ABCA5: variants seen among roughly 807,000 people sequenced by gnomAD.
ABCA5 encodes ATP binding cassette subfamily A member 5.
A neutral mutation model predicts 206.0 loss-of-function variants in ABCA5; 163 were observed. The ratio of observed to expected loss-of-function variants is 0.79; its 90% CI spans 0.70 to 0.90. The LOEUF is 0.90. Among genes scored for constraint, ABCA5 ranks in the 40% least tolerant of loss-of-function variants. ABCA5 has a pLI of 0.00. For missense variants in ABCA5, 1,859 were observed against 1,912.9 expected, an observed-to-expected ratio of 0.97 and a Z score of 0.53; for synonymous variants, 609 against 613.8, an observed-to-expected ratio of 0.99 and a Z score of 0.11.
chr17:69,310,620 G>GA (rs756246804), intron 3 of ABCA5, among the ~76,000 whole-genome samples: 19 of 152,024 alleles, frequency 1.2e-4, no homozygotes, highest in Non-Finnish European at 2.2e-4. Flanking sequence ...AAGATAAGTG[G>GA]AAAAAATACT....
chr17:69,278,049 T>TA (rs1370431485), intron 18 of ABCA5, among the ~76,000 whole-genome samples: 1 of 152,014 alleles, frequency 6.6e-6, no homozygotes, highest in Non-Finnish European at 1.5e-5. Context: ...CCAACAGAGA[T>TA]ATGAATACAG....
intron 9 of ABCA5, among the ~76,000 whole-genome samples, chr17:69,300,826 T>C (rs1462435125): frequency 1.3e-5 from 2 of 152,134 alleles, no homozygotes; most frequent in Non-Finnish European, 2.9e-5. Context: ...GATCACTTCA[T>C]AGTTTTAGAC....
intron 15 of ABCA5, among the ~76,000 whole-genome samples, chr17:69,286,996 G>A (rs2075462794): frequency 6.6e-6 from 1 of 152,160 alleles, no homozygotes; most frequent in Non-Finnish European, 1.5e-5. Context: ...TTGAGAACTT[G>A]GATTTGGGAG....
intron 5 of ABCA5, among the ~76,000 whole-genome samples, chr17:69,307,243 T>C (rs1026260060): frequency 1.3e-5 from 2 of 152,070 alleles, no homozygotes; most frequent in Admixed American, 1.3e-4. Flanking sequence ...ACAATTATCA[T>C]CTTAAGCAGA....
chr17:69,308,408 C>T (rs2075740541), intron 4 of ABCA5, 40 bp from the exon 5 acceptor site: 2 of 1,328,764 alleles, frequency 1.5e-6, no homozygotes, highest in Admixed American at 1.7e-5. Flanking sequence ...TTCTGTACAA[C>T]ATGCAAGTGC....
chr17:69,294,526 A>C, intron 11 of ABCA5, 129 bp downstream of exon 11: 1 of 884,346 alleles, frequency 1.1e-6, no homozygotes, highest in Non-Finnish European at 1.7e-6. Context: ...CATCTCAAAA[A>C]AAATAAAATA....
intron 11 of ABCA5, among the ~76,000 whole-genome samples, chr17:69,293,856 G>A (rs772811072): frequency 5.7e-4 from 58 of 102,282 alleles, no homozygotes; most frequent in African/African-American, 1.6e-3. Flanking sequence ...GTGTGTGTGT[G>A]TGTGTGTGTG....
Position 69,245,486 on chromosome 17 carries a change from T to G in ABCA5, c.*2051A>C, listed in dbSNP as rs2074940187. 1.3e-5 allele frequency: 2 copies of G among 152,004 alleles called. No homozygotes were observed. Among genetic ancestry groups the G allele is most frequent in the South Asian group, 4.1e-4 (2 of 4,832 alleles). The allele number at this position is 152,004 out of a possible 1,614,324, so 9.4% of individuals were successfully genotyped here. A position where few individuals can be genotyped will look rare whatever the true frequency, so the allele number is the denominator to read the frequency against. On this transcript the variant is annotated 3_prime_UTR_variant, in exon 39 of 39. Transcript: ENST00000392676. ...AAATATATTTCACTTTTTGCCTCCT[T>G]TGCTTTCCAGCTCACTTACCCTTGT...
In ABCA5 at chr17:69,301,146, G is replaced by T; in HGVS notation, c.1260C>A (p.Val420=). ...YVLLAVYLDQ[V]IPGEFGLRRS... is the part of the protein sequence containing the mutation. The stretch of plus-strand genomic sequence containing the variant: ...CAAAAACCATCTGCATACCTGGAAT[G>T]ACTTGATCAAGATAGACAGCCAAGA... Residue 420 remains valine (V), a synonymous_variant, in exon 9 of 39, where the codon GTC becomes GTA. Transcript: ENST00000392676. The T allele has an allele frequency of 6.5e-7, 1 of 1,528,568 alleles. No individual in the cohort carries two copies. The highest frequency in any genetic ancestry group is 1.4e-5 in the South Asian group (1 of 73,874). 94.7% of individuals were successfully genotyped at this position (1,528,568 alleles called of 1,614,324 possible).
chr17:69,297,624 A>G (rs1316983401), intron 9 of ABCA5, among the ~76,000 whole-genome samples: 2 of 152,178 alleles, frequency 1.3e-5, no homozygotes, highest in Non-Finnish European at 2.9e-5. Context: ...TCTAGTCCAT[A>G]AATAGTTTCA....
At position 69,255,214 on chromosome 17, in the gene ABCA5, T is replaced by C. The variant is rs551887154; in HGVS notation, c.4068+329A>G. On this transcript the variant is annotated intron_variant, in intron 31 of 38. Transcript: ENST00000392676. ...CAGTGACATGCTTATAATAAAAGACTAGCTGATGGCAGGTCAAAACAAGCT... is the reference window on the plus strand; with the variant it reads ...CAGTGACATGCTTATAATAAAAGACCAGCTGATGGCAGGTCAAAACAAGCT... 2.5e-4 allele frequency among the ~76,000 whole-genome samples: 38 copies of C among 152,248 alleles called. No homozygotes were observed. In the South Asian group the frequency reaches 7.7e-3, roughly 31 times the overall value.
intron 3 of ABCA5, among the ~76,000 whole-genome samples, chr17:69,311,014 C>A (rs1001278655): frequency 3.3e-5 from 5 of 151,964 alleles, no homozygotes; most frequent in African/African-American, 7.3e-5. Flanking sequence ...GGTAGCATGG[C>A]GAAACCCTGT....
chr17:69,275,619 CAT>C (rs1257613952), intron 19 of ABCA5, among the ~76,000 whole-genome samples: 3 of 152,128 alleles, frequency 2.0e-5, no homozygotes, highest in African/African-American at 7.2e-5. Context: ...GAGAACATCT[CAT>C]GTTTTTTATG....
In ABCA5 at chr17:69,326,919, C is replaced by T. The variant is rs893089143; in HGVS notation, c.-16+133G>A. On this transcript the variant is annotated intron_variant, in intron 1 of 38. Coordinates refer to ENST00000392676, the MANE Select transcript of ABCA5 (RefSeq NM_172232.4). The surrounding 1 kb of genome is among the most constrained non-coding windows in gnomAD (Gnocchi z 4.8). Reference sequence around the variant, plus strand: ...CTTCCGAGCCCGCTTCACCCCACACCTCAGACGCCGAACTCCCCTTCTCTC... The same window carrying T: ...CTTCCGAGCCCGCTTCACCCCACACTTCAGACGCCGAACTCCCCTTCTCTC... The T allele has an allele frequency of 2.6e-5, 4 of 152,922 alleles. No individual in the cohort carries two copies. Among genetic ancestry groups the T allele is most frequent in the South Asian group, 2.1e-4 (1 of 4,858 alleles). The allele number at this position is 152,922 out of a possible 1,614,324, so 9.5% of individuals were successfully genotyped here.
intron 10 of ABCA5, among the ~76,000 whole-genome samples, 162 bp from the exon 11 acceptor site, chr17:69,294,875 A>C (rs1468904526): frequency 1.3e-5 from 2 of 152,198 alleles, no homozygotes; most frequent in African/African-American, 4.8e-5. Context: ...AATGTTGATA[A>C]TGAAAATACA....
chr17:69,253,996 AG>A, intron 32 of ABCA5, 127 bp from the exon 33 acceptor site: 1 of 712,276 alleles, frequency 1.4e-6, no homozygotes, highest in South Asian at 2.0e-5. Context: ...TAAGTAGGTA[AG>A]GGCAAAAGTC....
chr17:69,274,145 A>T lies in ABCA5; in HGVS notation c.2595-17T>A. 6.4e-7 allele frequency: 1 copy of T among 1,560,492 alleles called. No homozygotes were observed. Among genetic ancestry groups the T allele is most frequent in the Non-Finnish European group, 8.6e-7 (1 of 1,162,580 alleles). On this transcript the variant is annotated splice_polypyrimidine_tract_variant and intron_variant, in intron 19 of 38. Coordinates refer to ENST00000392676, the MANE Select transcript of ABCA5 (RefSeq NM_172232.4). ...AGAAGCAACCTGAAAAGAAAAAAAA[A>T]ACAACACAGCTCAGGGTACAAAGGT...
chr17:69,307,701 T>A (rs184521839), intron 5 of ABCA5, among the ~76,000 whole-genome samples: 29 of 152,238 alleles, frequency 1.9e-4, no homozygotes, highest in African/African-American at 6.7e-4. Context: ...CTCATTTGGT[T>A]CTTACGACAA....
In ABCA5 at chr17:69,313,275, A is replaced by G. The variant is rs2075787267; in HGVS notation, c.124T>C (p.Phe42Leu). The G allele has an allele frequency of 7.1e-7, 1 of 1,401,678 alleles. No individual in the cohort carries two copies. Among genetic ancestry groups the G allele is most frequent in the Non-Finnish European group, 9.9e-7 (1 of 1,014,958 alleles). The allele number at this position is 1,401,678 out of a possible 1,614,324, so 86.8% of individuals were successfully genotyped here. ...SVQEILFPLF[F>L]LFWLILISMM... The stretch of plus-strand genomic sequence containing the variant: ...CTAATTAATATTAACCAAAATAAAA[A>G]AAATAGTGGAAAAAGAATTTCCTAC... Residue 42 changes from phenylalanine to leucine, a missense_variant, in exon 3 of 39, where the codon TTT (phenylalanine) becomes CTT (leucine). Physicochemically the swap from Phe to Leu is conservative, Grantham distance 22. Coordinates refer to ENST00000392676, the MANE Select transcript of ABCA5 (RefSeq NM_172232.4).
Sources: gnomAD v4.1 joint callset for allele counts (sites outside exome capture counted in the v4.1 genomes callset) on GRCh38, gnomAD v4.1.1 for gene constraint, Gnocchi (gnomAD v3.1) non-coding constraint, MANE v1.5 for transcripts, NCBI Gene and HGNC (gene_info 2026-07-23, HGNC 2026-07-21) for gene names.